The following RELN variants were observed in gnomAD, a reference collection of about 807,000 sequenced individuals.
RELN encodes the protein reelin.
In RELN, 108 loss-of-function variants were observed where a neutral mutation model predicts 427.6. The ratio of observed to expected loss-of-function variants is 0.25; its 90% confidence interval spans 0.22 to 0.30. The LOEUF is 0.30. Among genes scored for constraint, RELN ranks in the 10% least tolerant of loss-of-function variants. RELN has a pLI of 1.00. For missense variants in RELN, 3,715 were observed against 4,302.8 expected, an observed-to-expected ratio of 0.86 and a Z score of 3.82; for synonymous variants, 1,524 against 1,513.4, an observed-to-expected ratio of 1.01 and a Z score of -0.16.
At chr7:103,987,084 A>AAC (rs1321068579) in intron 1 of RELN, among the ~76,000 whole-genome samples, 3 of 151,942 alleles carry the variant, frequency 2.0e-5, no homozygotes, top group Non-Finnish European at 2.9e-5. Context: ...CAAAAAAAAA[A>AAC]AAAAAAACTC....
In RELN at chr7:103,640,013, C is replaced by T. The variant is rs1309457295; in HGVS notation, c.2069+530G>A. 2.0e-5 allele frequency among the ~76,000 whole-genome samples: 3 copies of T among 152,098 alleles called. No homozygotes were observed. The highest frequency in any genetic ancestry group is 2.0e-4 in the Admixed American group (3 of 15,264). On this transcript the variant is annotated intron_variant, in intron 17 of 64. Transcript: ENST00000428762. The surrounding 1 kb of genome is among the most constrained non-coding windows in gnomAD (Gnocchi z 4.1). ...GTATAATTTCAGACTTTATATTCAA[C>T]AGCATTGTTTTGTAAAATACTTTAT...
At position 103,807,621 on chromosome 7, in the gene RELN, C is replaced by G. The variant is rs551847141; in HGVS notation, c.473+25916G>C. Among the ~76,000 whole-genome samples, 15 of 152,192 alleles carry G rather than the reference C, an allele frequency of 9.9e-5. No homozygotes were observed. In the South Asian group the frequency reaches 2.9e-3, roughly 29 times the overall value. On this transcript the variant is annotated intron_variant, in intron 3 of 64. Transcript: ENST00000428762. ...AATCTAGGCTTCCCTTCCACCCTCC[C>G]CTCTCAAGCAGTCCCCAGTGTCTAT...
Position 103,909,814 on chromosome 7 carries a change from T to TTA in RELN, c.337+7259_337+7260dup, listed in dbSNP as rs1554441120. 2.5e-3 allele frequency among the ~76,000 whole-genome samples: 114 copies of TTA among 44,930 alleles called. 6 individuals carry two copies. The highest frequency in any genetic ancestry group is 0.013 in the African/African-American group (111 of 8,448). 29.5% of individuals were successfully genotyped at this position (44,930 alleles called of 152,430 possible). ...ATTAAATATATATTAATATATAATA[T>TTA]TATATATAAAATATATATATTTAAT... On this transcript the variant is annotated intron_variant, in intron 2 of 64. Transcript: ENST00000428762.
intron 6 of RELN, among the ~76,000 whole-genome samples, chr7:103,732,114 T>C (rs1790369733): frequency 6.6e-6 from 1 of 152,138 alleles, no homozygotes. Context: ...AAATTGGAGA[T>C]GATCAGCTGA....
intron 4 of RELN, among the ~76,000 whole-genome samples, chr7:103,758,976 T>C (rs1258480960): frequency 6.6e-6 from 1 of 152,034 alleles, no homozygotes; most frequent in East Asian, 1.9e-4. Context: ...GAAGATTACA[T>C]ATGTATTTTA....
intron 59 of RELN, 66 bp from the exon 60 acceptor site, chr7:103,489,965 C>G (rs1315388313): frequency 1.3e-6 from 2 of 1,588,332 alleles, no homozygotes; most frequent in Non-Finnish European, 1.7e-6. Context: ...CATCCTGCCT[C>G]CAGCCTCTGG....
chr7:103,829,434 T>A (rs1793222774), intron 3 of RELN, among the ~76,000 whole-genome samples: 1 of 151,874 alleles, frequency 6.6e-6, no homozygotes, highest in Admixed American at 6.6e-5. Flanking sequence ...AACTTGAGAC[T>A]TACTAGTCAC....
At chr7:103,728,250 G>A (rs1041327503) in intron 6 of RELN, 43 bp from the exon 7 acceptor site, 3 of 1,574,040 alleles carry the variant, frequency 1.9e-6, no homozygotes, top group Non-Finnish European at 2.6e-6. Flanking sequence ...GAACTAAGTA[G>A]CACACGTGGT....
chr7:103,961,468 A>G (rs1211802239), intron 1 of RELN, among the ~76,000 whole-genome samples: 1 of 152,256 alleles, frequency 6.6e-6, no homozygotes, highest in Non-Finnish European at 1.5e-5. Flanking sequence ...CAATACTAAA[A>G]AAGAAGTGAA....
intron 6 of RELN, among the ~76,000 whole-genome samples, chr7:103,747,114 G>C (rs1416540041): frequency 6.6e-6 from 1 of 152,080 alleles, no homozygotes; most frequent in African/African-American, 2.4e-5. Context: ...TCCTTTGTAG[G>C]GACATGGATG....
chr7:103,664,384 T>C (rs1449149944), intron 11 of RELN, among the ~76,000 whole-genome samples: 1 of 152,194 alleles, frequency 6.6e-6, no homozygotes, highest in Non-Finnish European at 1.5e-5. Context: ...ATTATATTAG[T>C]GAATTGCTTT....
At chr7:103,907,994 C>G (rs1795255035) in intron 2 of RELN, among the ~76,000 whole-genome samples, 1 of 152,006 alleles carries the variant, frequency 6.6e-6, no homozygotes, top group African/African-American at 2.4e-5. Flanking sequence ...TGTGACGTTC[C>G]TCTCCCTGTG....
At chr7:103,835,167 G>T (rs149714558) in intron 2 of RELN, among the ~76,000 whole-genome samples, 1 of 152,130 alleles carries the variant, frequency 6.6e-6, no homozygotes, top group Non-Finnish European at 1.5e-5. Context: ...CTTAATATGC[G>T]TATTACCAAG....
intron 1 of RELN, among the ~76,000 whole-genome samples, chr7:103,983,287 G>A (rs949997465): frequency 3.3e-5 from 5 of 152,174 alleles, no homozygotes; most frequent in African/African-American, 1.2e-4. Context: ...TTTTAGAGAA[G>A]CACACATTTT....
intron 16 of RELN, among the ~76,000 whole-genome samples, chr7:103,644,283 G>A (rs1351417965): frequency 6.6e-6 from 1 of 151,338 alleles, no homozygotes; most frequent in Non-Finnish European, 1.5e-5. Context: ...ACCAGATAAA[G>A]AATTCAAAAT....
rs1045173903 is a variant in RELN at position 103,647,032 on chromosome 7, C to T, written c.2002+3242G>A. Among the ~76,000 whole-genome samples the T allele has an allele frequency of 1.3e-4, 19 of 151,884 alleles. 2 individuals carry two copies. The highest frequency in any genetic ancestry group is 4.3e-4 in the African/African-American group (18 of 41,466). Reference sequence around the variant, plus strand: ...ATCCTTTCACAATAAAAACCCTCAACAAACTAGGTGTAGATAGAACATACC... The same window carrying T: ...ATCCTTTCACAATAAAAACCCTCAATAAACTAGGTGTAGATAGAACATACC... On this transcript the variant is annotated intron_variant, in intron 16 of 64. Coordinates refer to ENST00000428762, the MANE Select transcript of RELN (RefSeq NM_005045.4).
At chr7:103,955,065 G>T (rs1796406351) in intron 1 of RELN, among the ~76,000 whole-genome samples, 1 of 152,168 alleles carries the variant, frequency 6.6e-6, no homozygotes, top group African/African-American at 2.4e-5. Flanking sequence ...CTTAGGTCTG[G>T]TGTTCAGATC....
intron 4 of RELN, among the ~76,000 whole-genome samples, chr7:103,766,181 T>C (rs1019648276): frequency 6.6e-6 from 1 of 152,190 alleles, no homozygotes; most frequent in African/African-American, 2.4e-5. Context: ...CTTAATTCAG[T>C]TGTCTTTGTT....
At chr7:103,741,591 G>A (rs1790658482) in intron 6 of RELN, among the ~76,000 whole-genome samples, 1 of 151,612 alleles carries the variant, frequency 6.6e-6, no homozygotes, top group African/African-American at 2.4e-5. Flanking sequence ...GAGGGTGAGG[G>A]GAAGTAAAAG....
Sources: gnomAD v4.1 joint callset for allele counts (sites outside exome capture counted in the v4.1 genomes callset) on GRCh38, gnomAD v4.1.1 for gene constraint, Gnocchi (gnomAD v3.1) non-coding constraint, MANE v1.5 for transcripts, NCBI Gene and HGNC (gene_info 2026-07-23, HGNC 2026-07-21) for gene names.